Variants in SHROOM3 observed in about 807,000 individuals in gnomAD.
SHROOM3 encodes protein Shroom3.
A neutral mutation model predicts 138.6 loss-of-function variants in SHROOM3; 47 were observed. The ratio of observed to expected loss-of-function variants is 0.34; its 90% CI spans 0.27 to 0.43. The LOEUF (loss-of-function observed/expected upper bound fraction) is 0.43. SHROOM3 is among the 20% of genes least tolerant of loss of function. The probability of loss-of-function intolerance (pLI) is 1.00; values close to 1 mark genes in which losing one functional copy is unlikely to be tolerated. For synonymous variants in SHROOM3, 1,062 were observed against 1,063.3 expected, an observed-to-expected ratio of 1.00 and a Z score of 0.02; for missense variants, 2,491 against 2,596.5, an observed-to-expected ratio of 0.96 and a Z score of 0.88.
intron 2 of SHROOM3, among the ~76,000 whole-genome samples, chr4:76,557,262 C>T (rs868588916): frequency 6.8e-6 from 1 of 148,128 alleles, no homozygotes; most frequent in Non-Finnish European, 1.5e-5. Context: ...CACACACACA[C>T]GAGGAATATT....
At chr4:76,627,663 C>CTTTT (rs35935280) in intron 2 of SHROOM3, among the ~76,000 whole-genome samples, 2 of 141,802 alleles carry the variant, frequency 1.4e-5, no homozygotes, top group East Asian at 2.0e-4. Context: ...TTGCAAAAGT[C>CTTTT]TTTTTTTTTT....
At position 76,779,108 on chromosome 4, in the gene SHROOM3, G is replaced by C; in HGVS notation, c.5922G>C (p.Thr1974=). Residue 1974 remains threonine (T), a synonymous_variant, in exon 11 of 11, where the codon ACG becomes ACC. Coordinates refer to ENST00000296043, the MANE Select transcript of SHROOM3 (RefSeq NM_020859.4). Reference sequence around the variant, plus strand: ...CCCTGGCTCTGCCCCCAAACCTCACGAGTGAGCCCATTCCTGCTGGGGGCT... The same window carrying C: ...CCCTGGCTCTGCCCCCAAACCTCACCAGTGAGCCCATTCCTGCTGGGGGCT... ...AGALALPPNL[T]SEPIPAGGCT... is the part of the protein sequence containing the mutation. 1.2e-6 allele frequency: 2 copies of C among 1,614,192 alleles called. No individual in the cohort carries two copies. The highest frequency in any genetic ancestry group is 1.7e-6 in the Non-Finnish European group (2 of 1,180,036).
chr4:76,572,624 C>T (rs975986909), intron 2 of SHROOM3, among the ~76,000 whole-genome samples: 3 of 152,138 alleles, frequency 2.0e-5, no homozygotes, highest in Admixed American at 2.0e-4. Context: ...TGTGATCGTT[C>T]AAATGTAAAT....
intron 1 of SHROOM3, among the ~76,000 whole-genome samples, chr4:76,450,754 T>C (rs976438212): frequency 3.3e-5 from 5 of 152,196 alleles, no homozygotes; most frequent in Non-Finnish European, 5.9e-5. Flanking sequence ...AGGTTTCTTT[T>C]TGAAATAATG....
At chr4:76,554,429 T>G (rs1198561642) in intron 1 of SHROOM3, among the ~76,000 whole-genome samples, 1 of 149,116 alleles carries the variant, frequency 6.7e-6, no homozygotes, top group Non-Finnish European at 1.5e-5. Flanking sequence ...GTTTTTTTTT[T>G]TTTTTTTTGA....
At chr4:76,573,894 G>C (rs759181703) in intron 2 of SHROOM3, among the ~76,000 whole-genome samples, 1 of 152,172 alleles carries the variant, frequency 6.6e-6, no homozygotes, top group African/African-American at 2.4e-5. Context: ...GCTGGTTGCC[G>C]TCTGATGTCT....
Position 76,740,910 on chromosome 4 carries a change from T to C in SHROOM3, c.2737T>C (p.Ser913Pro). 2 of 1,501,784 alleles carry C rather than the reference T, an allele frequency of 1.3e-6. No individual in the cohort carries two copies. Among genetic ancestry groups the C allele is most frequent in the Admixed American group, 2.3e-5 (1 of 42,942 alleles). The allele number at this position is 1,501,784 out of a possible 1,614,324, so 93.0% of individuals were successfully genotyped here. The change falls in exon 5 of 11, where the codon TCG becomes CCG. Residue 913 changes from serine to proline, a missense_variant. Ser to Pro is a moderately conservative substitution (Grantham distance 74). Around this residue, in one of 4 missense-constraint regions of SHROOM3, gnomAD observed 1,733 missense variants for 1,661.6 expected, o/e 1.04. Coordinates refer to ENST00000296043, the MANE Select transcript of SHROOM3 (RefSeq NM_020859.4). The surrounding 1 kb of genome is among the most constrained non-coding windows in gnomAD (Gnocchi z 4.0). Reference sequence around the variant, plus strand: ...GCGGGACAGGCCCGGCTCGCCCGAATCGCCCCTGCTGGATGCCCCCTTCAG... The same window carrying C: ...GCGGGACAGGCCCGGCTCGCCCGAACCGCCCCTGCTGGATGCCCCCTTCAG... Reference protein sequence around the residue: ...EWRDRPGSPESPLLDAPFSRA... With the variant: ...EWRDRPGSPEPPLLDAPFSRA...
rs1168114270 is a variant in SHROOM3, at chr4:76,754,790, C to T, written c.4307C>T (p.Ala1436Val). The T allele has an allele frequency of 1.9e-6, 3 of 1,614,068 alleles. No individual in the cohort carries two copies. The highest frequency in any genetic ancestry group is 8.5e-7 in the Non-Finnish European group (1 of 1,180,014). Residue 1436 changes from alanine to valine, a missense_variant, in exon 7 of 11, where the codon GCA becomes GTA. Physicochemically the swap from Ala to Val is moderately conservative, Grantham distance 64 (BLOSUM62 0). Around this residue, in one of 4 missense-constraint regions of SHROOM3, gnomAD observed 1,733 missense variants for 1,661.6 expected, o/e 1.04. Transcript: ENST00000296043. Reference sequence around the variant, plus strand: ...CCTTCTCGAGCAAAGTGGGCCCACGCAGCCAGAGAGGACAGCCTTCCTGAG... The same window carrying T: ...CCTTCTCGAGCAAAGTGGGCCCACGTAGCCAGAGAGGACAGCCTTCCTGAG... ...PPPSRAKWAHAAREDSLPEES... is the reference protein window; with the variant it reads ...PPPSRAKWAHVAREDSLPEES...
intron 1 of SHROOM3, among the ~76,000 whole-genome samples, chr4:76,473,327 G>C (rs1300640607): frequency 6.6e-6 from 1 of 152,190 alleles, no homozygotes; most frequent in Non-Finnish European, 1.5e-5. Context: ...CAATGACAAG[G>C]CTGGGTGTGG....
intron 5 of SHROOM3, among the ~76,000 whole-genome samples, chr4:76,747,921 G>A (rs1381374935): frequency 1.3e-5 from 2 of 152,098 alleles, no homozygotes; most frequent in African/African-American, 2.4e-5. Flanking sequence ...TTACTTAACT[G>A]TGGGCAAGAT....
intron 1 of SHROOM3, among the ~76,000 whole-genome samples, chr4:76,461,208 A>G (rs1731136295): frequency 6.6e-6 from 1 of 152,164 alleles, no homozygotes; most frequent in Non-Finnish European, 1.5e-5. Flanking sequence ...TCTCTACTCC[A>G]CAGATAATGC....
At position 76,781,613 on chromosome 4, in the gene SHROOM3, T is replaced by G. The variant is rs1722738797; in HGVS notation, c.*2436T>G. On this transcript the variant is annotated 3_prime_UTR_variant, in exon 11 of 11. Coordinates refer to ENST00000296043, the MANE Select transcript of SHROOM3 (RefSeq NM_020859.4). ...AGGCACCAAGTGAGACTTTGAAATCTAATTTTTAGGTGGATGTGATATTTA... is the reference window on the plus strand; with the variant it reads ...AGGCACCAAGTGAGACTTTGAAATCGAATTTTTAGGTGGATGTGATATTTA... The G allele has an allele frequency of 6.6e-6, 1 of 152,272 alleles. No homozygotes were observed. The highest frequency in any genetic ancestry group is 1.5e-5 in the Non-Finnish European group (1 of 68,054). 9.4% of individuals were successfully genotyped at this position (152,272 alleles called of 1,614,324 possible).
At chr4:76,448,530 C>T (rs1313104008) in intron 1 of SHROOM3, among the ~76,000 whole-genome samples, 1 of 152,190 alleles carries the variant, frequency 6.6e-6, no homozygotes, top group Non-Finnish European at 1.5e-5. Flanking sequence ...TTAGTTCTTT[C>T]ATCTCTCAGA....
intron 2 of SHROOM3, among the ~76,000 whole-genome samples, chr4:76,693,073 C>T (rs1037650454): frequency 6.6e-6 from 1 of 152,166 alleles, no homozygotes; most frequent in Admixed American, 6.5e-5. Flanking sequence ...ATATATTACC[C>T]TGGACAAGAT....
At chr4:76,608,693 C>CAGCACAGCACAGCACAGCACAGCAA (rs1734696406) in intron 2 of SHROOM3, among the ~76,000 whole-genome samples, 1 of 75,110 alleles carries the variant, frequency 1.3e-5, no homozygotes, top group African/African-American at 5.0e-5. Flanking sequence ...CAGCACAGCA[C>CAGCACAGCACAGCACAGCACAGCAA]AGCACAGCAC....
chr4:76,608,314 T>G (rs900484281), intron 2 of SHROOM3, among the ~76,000 whole-genome samples: 13 of 152,168 alleles, frequency 8.5e-5, no homozygotes, highest in African/African-American at 3.1e-4. Context: ...CCTGTCTCTC[T>G]CCCCTCACTA....
intron 1 of SHROOM3, among the ~76,000 whole-genome samples, chr4:76,462,702 C>A (rs979096489): frequency 6.7e-6 from 1 of 148,750 alleles, no homozygotes; most frequent in South Asian, 2.2e-4. Context: ...CTCTCTCTCC[C>A]TCTCCCTCTC....
intron 2 of SHROOM3, among the ~76,000 whole-genome samples, chr4:76,661,574 C>G (rs796102603): frequency 2.6e-5 from 4 of 152,132 alleles, no homozygotes; most frequent in African/African-American, 9.7e-5. Flanking sequence ...TTTCTTTGTG[C>G]CCCTTTCCAG....
At chr4:76,492,891 G>A (rs541637760) in intron 1 of SHROOM3, among the ~76,000 whole-genome samples, 33 of 152,110 alleles carry the variant, frequency 2.2e-4, no homozygotes, top group Middle Eastern at 3.4e-3. Flanking sequence ...ACAAAATTTG[G>A]TTTTGATCGT....
Sources: allele counts gnomAD v4.1 joint callset (sites outside exome capture counted in the v4.1 genomes callset), GRCh38; gene constraint gnomAD v4.1.1; regional missense constraint gnomAD v4.1.1; non-coding constraint Gnocchi (gnomAD v3.1); transcripts MANE v1.5; gene names NCBI Gene and HGNC (gene_info 2026-07-23, HGNC 2026-07-21).